The following LRP5 variants were observed in gnomAD, a reference collection of about 807,000 sequenced individuals.
LRP5 encodes the protein low-density lipoprotein receptor-related protein 5.
A neutral mutation model predicts 154.1 loss-of-function variants in LRP5; 62 were observed. The observed-to-expected ratio is 0.40, with a 90% CI of 0.33 to 0.50. LRP5 has a LOEUF of 0.50. LRP5 is among the 20% of genes least tolerant of loss of function. The pLI, the probability that LRP5 is intolerant of heterozygous loss-of-function variation, is 0.55. For synonymous variants in LRP5, 966 were observed against 1,011.5 expected, an observed-to-expected ratio of 0.96 and a Z score of 0.85; for missense variants, 1,915 against 2,336.7, an observed-to-expected ratio of 0.82 and a Z score of 3.72.
intron 1 of LRP5, among the ~76,000 whole-genome samples, chr11:68,341,592 G>A (rs1401698468): frequency 6.6e-6 from 1 of 152,082 alleles, no homozygotes; most frequent in Non-Finnish European, 1.5e-5. Flanking sequence ...GAGAGACCTT[G>A]GGCACATGGG....
At chr11:68,343,382 T>TTG (rs371846073) in intron 1 of LRP5, among the ~76,000 whole-genome samples, 15 of 151,024 alleles carry the variant, frequency 9.9e-5, no homozygotes, top group East Asian at 7.8e-4. Context: ...GTGTGTGTGT[T>TTG]TGTGTGTGTG....
At chr11:68,329,049 C>T (rs1326250823) in intron 1 of LRP5, among the ~76,000 whole-genome samples, 1 of 152,180 alleles carries the variant, frequency 6.6e-6, no homozygotes, top group East Asian at 1.9e-4. Flanking sequence ...TTCAGAAGTA[C>T]CACCTTAGTT....
At chr11:68,332,580 C>G (rs576760349) in intron 1 of LRP5, among the ~76,000 whole-genome samples, 6 of 152,308 alleles carry the variant, frequency 3.9e-5, no homozygotes, top group Middle Eastern at 3.4e-3. Context: ...AGGTCACATT[C>G]AGCCAAGTAT....
At chr11:68,375,326 C>T (rs1378286796) in intron 5 of LRP5, among the ~76,000 whole-genome samples, 1 of 152,242 alleles carries the variant, frequency 6.6e-6, no homozygotes, top group East Asian at 1.9e-4. Flanking sequence ...TGCAGAGAGA[C>T]ACTAGAAGGC....
chr11:68,445,890 G>A (rs1442688975), intron 21 of LRP5, among the ~76,000 whole-genome samples: 1 of 152,248 alleles, frequency 6.6e-6, no homozygotes, highest in Non-Finnish European at 1.5e-5. Context: ...CCCTCCCTCA[G>A]CGTGGTGACT....
chr11:68,375,186 T>C (rs1330860989), intron 5 of LRP5, among the ~76,000 whole-genome samples: 1 of 152,206 alleles, frequency 6.6e-6, no homozygotes, highest in African/African-American at 2.4e-5. Flanking sequence ...GACTCCTTGT[T>C]TCGTTTCACT....
At chr11:68,379,808 C>T (rs2098639304) in intron 5 of LRP5, among the ~76,000 whole-genome samples, 1 of 152,190 alleles carries the variant, frequency 6.6e-6, no homozygotes, top group Non-Finnish European at 1.5e-5. Flanking sequence ...TCCCTCCTTC[C>T]CCTATTGTAA....
the LRP5 span, among the ~76,000 whole-genome samples, chr11:68,299,890 GTTTA>G: frequency 2.0e-5 from 3 of 148,456 alleles, no homozygotes; most frequent in Non-Finnish European, 4.6e-5. Flanking sequence ...GCCTTTTTTT[GTTTA>G]TTTGTTTGTT....
rs2098676312 is a variant in LRP5 at position 68,438,536 on chromosome 11, G to A, written c.4202G>A (p.Gly1401Asp). The change falls in exon 20 of 23, where the codon GGT (glycine) becomes GAT (aspartate). Residue 1401 changes from glycine (G) to aspartate (D), a missense_variant. This residue lies in a region of LRP5 where 1,094 missense variants were observed against 1,210.1 expected (regional missense o/e 0.90). Coordinates refer to ENST00000294304, the MANE Select transcript of LRP5 (RefSeq NM_002335.4). The part of the protein sequence containing the change: ...IGIILSLFVM[G>D]GVYFVCQRVV... Reference sequence around the variant, plus strand: ...ATCATCCTCTCTCTCTTCGTCATGGGTGGTGTCTATTTTGTGTGCCAGCGC... The same window carrying A: ...ATCATCCTCTCTCTCTTCGTCATGGATGGTGTCTATTTTGTGTGCCAGCGC... 1 of 1,614,212 alleles carries A rather than the reference G, an allele frequency of 6.2e-7. No individual in the cohort carries two copies. The highest frequency in any genetic ancestry group is 1.7e-5 in the Admixed American group (1 of 60,036).
Position 68,365,722 on chromosome 11 carries a change from C to G in LRP5, c.1015+20C>G. The G allele has an allele frequency of 9.1e-5, 1 of 10,940 alleles. No homozygotes were observed. Among genetic ancestry groups the G allele is most frequent in the South Asian group, 1.3e-3 (1 of 758 alleles). 0.7% of individuals were successfully genotyped at this position (10,940 alleles called of 1,614,324 possible). A position where few individuals can be genotyped will look rare whatever the true frequency, so the allele number is the denominator to read the frequency against. ...AGGCAGGTGAGGCGGTGGGACGGGACGGGGCGGGCGGGCGGGGCGGGGCCT... is the reference window on the plus strand; with the variant it reads ...AGGCAGGTGAGGCGGTGGGACGGGAGGGGGCGGGCGGGCGGGGCGGGGCCT... On this transcript the variant is annotated intron_variant, in intron 5 of 22. Transcript: ENST00000294304.
chr11:68,438,903 T>C (rs1405763673), intron 20 of LRP5, among the ~76,000 whole-genome samples: 1 of 152,242 alleles, frequency 6.6e-6, no homozygotes, highest in Non-Finnish European at 1.5e-5. Flanking sequence ...CCTTTGGCAC[T>C]GTAGGTGTGG....
At chr11:68,321,090 A>G (rs1270545828) in intron 1 of LRP5, among the ~76,000 whole-genome samples, 2 of 101,194 alleles carry the variant, frequency 2.0e-5, no homozygotes, top group Admixed American at 3.0e-4. Context: ...TGTATATGGT[A>G]TGAGGTAGGG....
At chr11:68,331,770 TGTG>T (rs2098602947) in intron 1 of LRP5, among the ~76,000 whole-genome samples, 6 of 146,464 alleles carry the variant, frequency 4.1e-5, no homozygotes, top group African/African-American at 1.3e-4. Flanking sequence ...TGTGTGTGTG[TGTG>T]TTTGAGTGTG....
chr11:68,327,112 G>A (rs1054234964), intron 1 of LRP5, among the ~76,000 whole-genome samples: 7 of 152,344 alleles, frequency 4.6e-5, no homozygotes, highest in African/African-American at 7.2e-5. Flanking sequence ...GGGGGCCTGC[G>A]GTGGGATCCC....
chr11:68,432,310 C>T (rs527617341), intron 17 of LRP5, among the ~76,000 whole-genome samples: 1 of 152,338 alleles, frequency 6.6e-6, no homozygotes, highest in African/African-American at 2.4e-5. Flanking sequence ...CCCTCAACCT[C>T]CAGCCACCGG....
At chr11:68,310,555 G>A (rs1191604833), upstream of LRP5, among the ~76,000 whole-genome samples, 1 of 152,210 alleles carries the variant, frequency 6.6e-6, no homozygotes, top group African/African-American at 2.4e-5. Context: ...GGGAGGCAGA[G>A]GTTGTGGTGA....
intron 11 of LRP5, 27 bp downstream of exon 11, chr11:68,411,647 T>C: frequency 6.3e-7 from 1 of 1,595,262 alleles, no homozygotes; most frequent in Non-Finnish European, 8.5e-7. Context: ...GGCCTTCTGG[T>C]CATGGAGGGC....
At chr11:68,317,047 G>A (rs2098593826) in intron 1 of LRP5, among the ~76,000 whole-genome samples, 1 of 152,252 alleles carries the variant, frequency 6.6e-6, no homozygotes, top group Non-Finnish European at 1.5e-5. Context: ...GGAAGCAGCA[G>A]GGTGTGGGCT....
At chr11:68,390,274 T>C (rs951519089) in intron 7 of LRP5, among the ~76,000 whole-genome samples, 6 of 152,224 alleles carry the variant, frequency 3.9e-5, no homozygotes, top group Non-Finnish European at 7.3e-5. Flanking sequence ...TTCGGCCAGG[T>C]GCCTGTAGAC....
Sources: gnomAD v4.1 joint callset for allele counts (sites outside exome capture counted in the v4.1 genomes callset) on GRCh38, gnomAD v4.1.1 for gene constraint, gnomAD v4.1.1 regional missense constraint, MANE v1.5 for transcripts, NCBI Gene and HGNC (gene_info 2026-07-23, HGNC 2026-07-21) for gene names.